BABAM2: variants seen among roughly 807,000 people sequenced by gnomAD.
The protein encoded by BABAM2 is BRISC and BRCA1-A complex member 2.
BABAM2 carries 31 observed loss-of-function variants against 54.7 expected under a neutral mutation model. The ratio of observed to expected loss-of-function variants is 0.57; its 90% CI spans 0.43 to 0.77. The LOEUF (loss-of-function observed/expected upper bound fraction) is 0.77. BABAM2 is among the 30% of genes least tolerant of loss of function. The pLI is 0.00. For synonymous variants in BABAM2, 167 were observed against 162.9 expected, an observed-to-expected ratio of 1.03 and a Z score of -0.19; for missense variants, 364 against 455.8, an observed-to-expected ratio of 0.80 and a Z score of 1.83.
Position 28,054,306 on chromosome 2 carries a change from CT to C in BABAM2, c.570+8508del, listed in dbSNP as rs1678225847. Among the ~76,000 whole-genome samples the C allele has an allele frequency of 4.6e-5, 7 of 152,234 alleles. No homozygotes were observed. The South Asian group carries it at 1.5e-3, about 32-fold the overall frequency. On this transcript the variant is annotated intron_variant, in intron 6 of 11. Coordinates refer to ENST00000379624, the MANE Select transcript of BABAM2 (RefSeq NM_199191.3). ...AGTCTCCCTTCTTCTCTTTCTCCCCCTACCCTTTTTTTAACCTTCCTTCTTT... is the reference window on the plus strand; with the variant it reads ...AGTCTCCCTTCTTCTCTTTCTCCCCCACCCTTTTTTTAACCTTCCTTCTTT...
intron 6 of BABAM2, among the ~76,000 whole-genome samples, chr2:28,102,755 T>G (rs958418962): frequency 6.6e-6 from 1 of 152,150 alleles, no homozygotes. Flanking sequence ...GACAAAATAC[T>G]AGGGGAGGTT....
intron 7 of BABAM2, among the ~76,000 whole-genome samples, chr2:28,184,280 CTCTCT>C (rs1676016064): frequency 4.1e-5 from 5 of 123,008 alleles, no homozygotes; most frequent in South Asian, 3.5e-4. Context: ...CTCTCTCTCT[CTCTCT>C]CCCCCCCTCC....
chr2:28,012,930 C>T (rs558442259), intron 4 of BABAM2, among the ~76,000 whole-genome samples: 17 of 152,202 alleles, frequency 1.1e-4, no homozygotes, highest in African/African-American at 4.1e-4. Flanking sequence ...TGTTTCCTCC[C>T]ATTTATCCAT....
chr2:28,115,604 G>A (rs1341858503), intron 6 of BABAM2, among the ~76,000 whole-genome samples: 1 of 151,028 alleles, frequency 6.6e-6, no homozygotes, highest in Non-Finnish European at 1.5e-5. Flanking sequence ...CCAGCCTGGT[G>A]GACAGAGCAA....
chr2:28,114,261 A>G (rs1173515549), intron 6 of BABAM2, among the ~76,000 whole-genome samples: 1 of 152,160 alleles, frequency 6.6e-6, no homozygotes, highest in Non-Finnish European at 1.5e-5. Context: ...ATGATTGGAT[A>G]TTTAGAAAAC....
chr2:27,994,872 C>T (rs1208900585), intron 4 of BABAM2, among the ~76,000 whole-genome samples: 3 of 152,132 alleles, frequency 2.0e-5, no homozygotes, highest in Non-Finnish European at 2.9e-5. Context: ...TGAGGTTTCT[C>T]AACTTTATTA....
chr2:28,228,648 T>C (rs1681099002), intron 7 of BABAM2, among the ~76,000 whole-genome samples: 1 of 152,034 alleles, frequency 6.6e-6, no homozygotes, highest in African/African-American at 2.4e-5. Flanking sequence ...GGAATCAAGA[T>C]GCAACAAGAG....
intron 10 of BABAM2, among the ~76,000 whole-genome samples, chr2:28,285,532 G>A (rs1027988086): frequency 6.6e-6 from 1 of 152,204 alleles, no homozygotes; most frequent in Non-Finnish European, 1.5e-5. Flanking sequence ...ATGGGGGAAT[G>A]ACATGGTGAC....
intron 3 of BABAM2, among the ~76,000 whole-genome samples, chr2:27,974,221 A>G (rs1009754827): frequency 6.6e-6 from 1 of 152,190 alleles, no homozygotes; most frequent in Admixed American, 6.5e-5. Context: ...TGATATCAAA[A>G]TCAGTCAAAG....
intron 3 of BABAM2, among the ~76,000 whole-genome samples, chr2:27,972,773 C>T (rs1365169427): frequency 4.3e-5 from 6 of 138,438 alleles, no homozygotes; most frequent in South Asian, 2.2e-4. Flanking sequence ...TAATTATTAG[C>T]TTTTTTTTTT....
intron 6 of BABAM2, among the ~76,000 whole-genome samples, chr2:28,107,779 G>T (rs1375015468): frequency 1.3e-5 from 2 of 152,186 alleles, no homozygotes; most frequent in Non-Finnish European, 2.9e-5. Context: ...AGACTGTGAA[G>T]ATTTTGAGGG....
chr2:28,082,652 T>C (rs1308511918), intron 6 of BABAM2, among the ~76,000 whole-genome samples: 1 of 152,234 alleles, frequency 6.6e-6, no homozygotes, highest in Non-Finnish European at 1.5e-5. Context: ...GGATGGTTGC[T>C]ATTTTCATGG....
chr2:28,065,915 C>CGGAT (rs1478565939), intron 6 of BABAM2, among the ~76,000 whole-genome samples: 1 of 145,286 alleles, frequency 6.9e-6, no homozygotes, highest in Non-Finnish European at 1.5e-5. Context: ...CCGAGGCAGG[C>CGGAT]GGATCACTTG....
chr2:28,008,109 G>GT lies in BABAM2; in HGVS notation c.301-17114dup, dbSNP rs532327379. Among the ~76,000 whole-genome samples the GT allele has an allele frequency of 9.7e-4, 148 of 152,238 alleles. 2 individuals are homozygous for GT. The South Asian group carries it at 0.025, about 26-fold the overall frequency. ...AAAATACTGTTCCTGTCCTCCCATA[G>GT]TTTATAATCTCATAGAAAGACAGTG... On this transcript the variant is annotated intron_variant, in intron 4 of 11. Transcript: ENST00000379624.
intron 7 of BABAM2, among the ~76,000 whole-genome samples, chr2:28,232,882 A>G (rs912552919): frequency 9.9e-5 from 15 of 152,194 alleles, no homozygotes; most frequent in African/African-American, 3.6e-4. Flanking sequence ...TAATACATTC[A>G]GTATAGACAG....
chr2:28,315,641 A>T (rs898309464), intron 11 of BABAM2, among the ~76,000 whole-genome samples: 1 of 147,994 alleles, frequency 6.8e-6, no homozygotes, highest in African/African-American at 2.5e-5. Flanking sequence ...CTGATTTTTT[A>T]TTTATTTATT....
intron 5 of BABAM2, among the ~76,000 whole-genome samples, chr2:28,036,470 A>G (rs1274988641): frequency 6.6e-6 from 1 of 152,224 alleles, no homozygotes; most frequent in Admixed American, 6.5e-5. Context: ...TAAGCCAAAC[A>G]GAATTCTTCC....
intron 3 of BABAM2, among the ~76,000 whole-genome samples, chr2:27,934,265 T>C (rs1313459448): frequency 6.6e-6 from 1 of 152,242 alleles, no homozygotes; most frequent in African/African-American, 2.4e-5. Context: ...CGTTTCCACA[T>C]ACTTTTTCAT....
In BABAM2 at chr2:27,935,467, G is replaced by A. The variant is rs564356625; in HGVS notation, c.205+5559G>A. 3.9e-5 allele frequency among the ~76,000 whole-genome samples: 6 copies of A among 152,326 alleles called. No individual in the cohort carries two copies. In the East Asian group the frequency reaches 9.7e-4, roughly 25 times the overall value. On this transcript the variant is annotated intron_variant, in intron 3 of 11. Transcript: ENST00000379624. Reference sequence around the variant, plus strand: ...GGTAAAACTTTTACTGATGAAGAAGGTTGCTTCTTGCAGATAAGCAAAGAA... The same window carrying A: ...GGTAAAACTTTTACTGATGAAGAAGATTGCTTCTTGCAGATAAGCAAAGAA...
Sources: allele counts gnomAD v4.1 joint callset (sites outside exome capture counted in the v4.1 genomes callset), GRCh38; gene constraint gnomAD v4.1.1; transcripts MANE v1.5; gene names NCBI Gene and HGNC (gene_info 2026-07-23, HGNC 2026-07-21).